The following KCNH7 variants were observed in gnomAD, a reference collection of about 807,000 sequenced individuals.
KCNH7 encodes potassium voltage-gated channel subfamily H member 7, also known as voltage-gated inwardly rectifying potassium channel KCNH7.
In KCNH7, 49 loss-of-function variants were observed where a neutral mutation model predicts 120.8. That is an observed-to-expected ratio of 0.41 (90% confidence interval 0.32 to 0.51). The LOEUF is 0.51. KCNH7 is among the 20% of genes least tolerant of loss of function. The pLI is 0.38. For synonymous variants in KCNH7, 547 were observed against 516.1 expected (o/e 1.06, Z -0.81); for missense variants, 1,097 against 1,446.6 (o/e 0.76, Z 3.92).
intron 2 of KCNH7, among the ~76,000 whole-genome samples, chr2:162,640,431 A>G (rs894650855): frequency 2.6e-5 from 4 of 152,086 alleles, no homozygotes; most frequent in Non-Finnish European, 5.9e-5. Flanking sequence ...AAGTTATAAA[A>G]ATGATTCAGT....
chr2:162,451,384 T>G (rs1688766017), intron 6 of KCNH7, among the ~76,000 whole-genome samples: 1 of 152,150 alleles, frequency 6.6e-6, no homozygotes, highest in Admixed American at 6.6e-5. Context: ...GTATATTGAC[T>G]GAATATTGAT....
intron 2 of KCNH7, among the ~76,000 whole-genome samples, chr2:162,702,030 T>C (rs1303783497): frequency 6.6e-6 from 1 of 151,850 alleles, no homozygotes. Flanking sequence ...AAAAAAAACT[T>C]TCTATGTTGG....
intron 9 of KCNH7, among the ~76,000 whole-genome samples, chr2:162,418,653 A>C (rs1687607659): frequency 6.6e-6 from 1 of 151,750 alleles, no homozygotes; most frequent in Non-Finnish European, 1.5e-5. Flanking sequence ...AGTGTAACAA[A>C]GTTTCTGATG....
intron 9 of KCNH7, among the ~76,000 whole-genome samples, chr2:162,419,824 T>G (rs1243696877): frequency 6.6e-6 from 1 of 152,188 alleles, no homozygotes; most frequent in African/African-American, 2.4e-5. Flanking sequence ...TATGCTGATA[T>G]GAAAGATGAT....
chr2:162,381,711 A>G (rs1686424183), intron 13 of KCNH7, among the ~76,000 whole-genome samples: 1 of 152,062 alleles, frequency 6.6e-6, no homozygotes, highest in African/African-American at 2.4e-5. Context: ...TTTTGTTCTT[A>G]TTTAAAGAGG....
At chr2:162,542,929 T>C (rs1692362335) in intron 2 of KCNH7, among the ~76,000 whole-genome samples, 1 of 152,100 alleles carries the variant, frequency 6.6e-6, no homozygotes, top group South Asian at 2.1e-4. Context: ...CCTGACTTTT[T>C]AATGATTTCT....
At chr2:162,676,052 G>T (rs1421252819) in intron 2 of KCNH7, among the ~76,000 whole-genome samples, 1 of 151,400 alleles carries the variant, frequency 6.6e-6, no homozygotes, top group Non-Finnish European at 1.5e-5. Flanking sequence ...TTGATAAGAA[G>T]GCAGTGCTGA....
At chr2:162,838,385 G>T (rs1397779129) in intron 1 of KCNH7, 58 bp downstream of exon 1, 11 of 1,420,462 alleles carry the variant, frequency 7.7e-6, no homozygotes, top group Non-Finnish European at 1.1e-5. Context: ...AGCGGTGGAC[G>T]CCAAGTGCAC....
chr2:162,436,547 T>A (rs1688244403), intron 7 of KCNH7, among the ~76,000 whole-genome samples: 1 of 152,156 alleles, frequency 6.6e-6, no homozygotes, highest in South Asian at 2.1e-4. Flanking sequence ...AATTACAAGT[T>A]CATTTCTTAG....
intron 9 of KCNH7, among the ~76,000 whole-genome samples, chr2:162,416,825 G>A (rs115807980): frequency 2.4e-3 from 368 of 152,228 alleles, no homozygotes; most frequent in African/African-American, 8.4e-3. Context: ...TATGCTGGGG[G>A]TGGCTCACCT....
chr2:162,641,652 T>C (rs1050022782), intron 2 of KCNH7, among the ~76,000 whole-genome samples: 5 of 152,088 alleles, frequency 3.3e-5, no homozygotes, highest in Non-Finnish European at 7.4e-5. Context: ...GGTCAGGGAT[T>C]AAGGAAGGGG....
chr2:162,551,433 T>C (rs952306233), intron 2 of KCNH7, among the ~76,000 whole-genome samples: 1 of 152,094 alleles, frequency 6.6e-6, no homozygotes, highest in Admixed American at 6.6e-5. Flanking sequence ...TTGGAAAACC[T>C]AGCAAGAGTT....
chr2:162,477,928 C>T (rs112143224), intron 6 of KCNH7, among the ~76,000 whole-genome samples: 12 of 148,744 alleles, frequency 8.1e-5, no homozygotes, highest in African/African-American at 9.7e-5. Context: ...AGACACAGCC[C>T]CTGTCCTCAT....
intron 2 of KCNH7, among the ~76,000 whole-genome samples, chr2:162,637,925 A>T (rs939618803): frequency 5.3e-5 from 8 of 152,226 alleles, no homozygotes; most frequent in Non-Finnish European, 1.2e-4. Flanking sequence ...GTGAGAAATG[A>T]CATTTTAATT....
chr2:162,538,819 A>T (rs1267197117), intron 2 of KCNH7, among the ~76,000 whole-genome samples: 1 of 152,116 alleles, frequency 6.6e-6, no homozygotes, highest in Non-Finnish European at 1.5e-5. Flanking sequence ...TTTCCAAGGA[A>T]TTGATCGACA....
chr2:162,588,507 G>T (rs1228122144), intron 2 of KCNH7, among the ~76,000 whole-genome samples: 1 of 151,958 alleles, frequency 6.6e-6, no homozygotes, highest in East Asian at 1.9e-4. Flanking sequence ...ATCAATTTAT[G>T]AACCTCTTGT....
At chr2:162,533,694 AG>A (rs1692011456) in intron 3 of KCNH7, among the ~76,000 whole-genome samples, 1 of 151,752 alleles carries the variant, frequency 6.6e-6, no homozygotes, top group Non-Finnish European at 1.5e-5. Context: ...ATTGCAAGAG[AG>A]AGAATGAAAA....
At chr2:162,706,684 T>C (rs1368970369) in intron 2 of KCNH7, among the ~76,000 whole-genome samples, 1 of 152,100 alleles carries the variant, frequency 6.6e-6, no homozygotes, top group Non-Finnish European at 1.5e-5. Flanking sequence ...GAGCTCTTGA[T>C]AAATTGTTTG....
chr2:162,670,469 T>G (rs1206856564), intron 2 of KCNH7, among the ~76,000 whole-genome samples: 1 of 46,292 alleles, frequency 2.2e-5, no homozygotes, highest in African/African-American at 1.7e-4. Flanking sequence ...GCGAACTCTG[T>G]CAAAAAAAAA....
Sources: allele counts gnomAD v4.1 joint callset (sites outside exome capture counted in the v4.1 genomes callset), GRCh38; gene constraint gnomAD v4.1.1; transcripts MANE v1.5; gene names NCBI Gene and HGNC (gene_info 2026-07-23, HGNC 2026-07-21).